Variants in GLS observed in about 807,000 individuals in gnomAD.
The protein encoded by GLS is glutaminase.
A neutral mutation model predicts 86.7 loss-of-function variants in GLS; 36 were observed. That is an observed-to-expected ratio of 0.42 (90% CI 0.32 to 0.55). The LOEUF is 0.55. Among genes scored for constraint, GLS ranks in the 20% least tolerant of loss-of-function variants. The pLI, the probability that GLS is intolerant of heterozygous loss-of-function variation, is 0.17. For missense variants in GLS, 528 were observed against 833.4 expected (o/e 0.63, Z 4.51); for synonymous variants, 317 against 305.9 (o/e 1.04, Z -0.38).
intron 14 of GLS, chr2:190,933,166 A>G: frequency 2.4e-6 from 2 of 843,612 alleles, no homozygotes; most frequent in Non-Finnish European, 2.9e-6. Context: ...AGATAATCCC[A>G]TTTTACAATA....
chr2:190,908,677 G>A (rs1045198065), intron 6 of GLS, among the ~76,000 whole-genome samples: 2 of 152,202 alleles, frequency 1.3e-5, no homozygotes, highest in African/African-American at 2.4e-5. Flanking sequence ...AAAATTTCAC[G>A]GTCATAGGTC....
intron 12 of GLS, 191 bp downstream of exon 12, chr2:190,927,673 G>A: frequency 2.1e-6 from 1 of 480,320 alleles, no homozygotes; most frequent in Non-Finnish European, 3.7e-6. Flanking sequence ...TTAAGAACTT[G>A]GAAGTTTGAT....
At chr2:190,936,509 C>T (rs1690275860) in intron 14 of GLS, among the ~76,000 whole-genome samples, 1 of 150,876 alleles carries the variant, frequency 6.6e-6, no homozygotes, top group South Asian at 2.1e-4. Flanking sequence ...CAAAAGAACC[C>T]CTAAAATTTT....
At chr2:190,916,606 A>G (rs2124884234) in intron 7 of GLS, among the ~76,000 whole-genome samples, 1 of 152,364 alleles carries the variant, frequency 6.6e-6, no homozygotes, top group African/African-American at 2.4e-5. Context: ...GTTAAATGCC[A>G]TTTCCAGGGT....
At position 190,935,435 on chromosome 2, in the gene GLS, T is replaced by G. The variant is rs570461690; in HGVS notation, c.1650+3798T>G. The G allele has an allele frequency of 6.6e-6, 1 of 152,128 alleles. No individual in the cohort carries two copies. Among genetic ancestry groups the G allele is most frequent in the South Asian group, 2.1e-4 (1 of 4,836 alleles). The allele number at this position is 152,128 out of a possible 1,614,324, so 9.4% of individuals were successfully genotyped here. A position where few individuals can be genotyped will look rare whatever the true frequency, so the allele number is the denominator to read the frequency against. Reference sequence around the variant, plus strand: ...AAGTGTTTGCTATTCTGAAGCTGCCTCAAAGTAAACTAGAAATATTCAAAA... The same window carrying G: ...AAGTGTTTGCTATTCTGAAGCTGCCGCAAAGTAAACTAGAAATATTCAAAA... On this transcript the variant is annotated intron_variant, in intron 14 of 17. Transcript: ENST00000320717. This position sits in a 1 kb window ranked among gnomAD's most constrained non-coding sequence, Gnocchi z 4.2.
intron 14 of GLS, among the ~76,000 whole-genome samples, chr2:190,941,210 GAATA>G (rs1690418325): frequency 6.6e-6 from 1 of 152,124 alleles, no homozygotes. Flanking sequence ...TACAGGTACT[GAATA>G]AATACTGAAA....
rs1394740393 is a variant in GLS, at chr2:190,935,911, C to T, written c.1650+4274C>T. Among the ~76,000 whole-genome samples the T allele has an allele frequency of 2.0e-5, 3 of 151,006 alleles. No homozygotes were observed. Among genetic ancestry groups the T allele is most frequent in the Non-Finnish European group, 4.5e-5 (3 of 67,194 alleles). On this transcript the variant is annotated intron_variant, in intron 14 of 17. Transcript: ENST00000320717. The surrounding 1 kb of genome is among the most constrained non-coding windows in gnomAD (Gnocchi z 4.2). ...ATTATAGTACAAATTATAGAGGCTCCATGTATTGTAGGTCAAATATAGTAC... is the reference window on the plus strand; with the variant it reads ...ATTATAGTACAAATTATAGAGGCTCTATGTATTGTAGGTCAAATATAGTAC...
chr2:190,881,200 G>A lies in GLS; in HGVS notation c.116G>A (p.Arg39Gln), dbSNP rs758228650. The A allele has an allele frequency of 1.2e-5, 15 of 1,282,870 alleles. 1 individual carries two copies. The highest frequency in any genetic ancestry group is 1.5e-5 in the Non-Finnish European group (15 of 1,018,918). The allele number at this position is 1,282,870 out of a possible 1,614,324, so 79.5% of individuals were successfully genotyped here. A position where few individuals can be genotyped will look rare whatever the true frequency, so the allele number is the denominator to read the frequency against. The part of the protein sequence containing the change: ...QPLVTLCRRP[R>Q]GGGRPAAGPA... Reference sequence around the variant, plus strand: ...TTGGTCACCCTGTGCCGGCGTCCCCGAGGCGGGGGACGGCCGGCCGCGGGC... The same window carrying A: ...TTGGTCACCCTGTGCCGGCGTCCCCAAGGCGGGGGACGGCCGGCCGCGGGC... The change falls in exon 1 of 18, where the codon CGA becomes CAA. Residue 39 changes from arginine (R) to glutamine (Q), a missense_variant. By Grantham distance (43) the Arg-to-Gln change is conservative. Transcript: ENST00000320717.
chr2:190,948,914 A>G (rs950180036), intron 14 of GLS, among the ~76,000 whole-genome samples: 7 of 152,158 alleles, frequency 4.6e-5, no homozygotes, highest in African/African-American at 1.7e-4. Flanking sequence ...GAGGTATCTA[A>G]TTGACTCTGT....
Position 190,881,131 on chromosome 2 carries a change from G to T in GLS, c.47G>T (p.Arg16Leu). 1.3e-6 allele frequency: 2 copies of T among 1,558,476 alleles called. No homozygotes were observed. The highest frequency in any genetic ancestry group is 1.2e-5 in the South Asian group (1 of 86,084). Residue 16 changes from arginine to leucine, a missense_variant, in exon 1 of 18, where the codon CGG becomes CTG. By Grantham distance (102) the Arg-to-Leu change is moderately radical. Transcript: ENST00000320717. ...GGGATGCTGCGGGACCTGCTCCTGC[G>T]GTCGCCCGCCGGCGTGAGCGCGACT... ...GSGMLRDLLL[R>L]SPAGVSATLR...
chr2:190,884,734 C>T (rs1282171830), intron 1 of GLS, among the ~76,000 whole-genome samples: 1 of 152,058 alleles, frequency 6.6e-6, no homozygotes, highest in Non-Finnish European at 1.5e-5. Flanking sequence ...GGAAAAATAC[C>T]AGCATATGTA....
intron 1 of GLS, among the ~76,000 whole-genome samples, chr2:190,891,253 T>C (rs897080426): frequency 6.6e-6 from 1 of 152,188 alleles, no homozygotes; most frequent in South Asian, 2.1e-4. Context: ...TTTAGTCATA[T>C]TTCTCCTAGA....
intron 12 of GLS, among the ~76,000 whole-genome samples, chr2:190,929,721 C>T (rs1049369236): frequency 1.3e-5 from 2 of 152,186 alleles, no homozygotes; most frequent in African/African-American, 2.4e-5. Flanking sequence ...CTGCCCACCT[C>T]GGCCTCCCAG....
chr2:190,954,817 A>G lies in GLS; in HGVS notation c.1852A>G (p.Arg618Gly). 1 of 1,603,014 alleles carries G rather than the reference A, an allele frequency of 6.2e-7. No individual in the cohort carries two copies. Among genetic ancestry groups the G allele is most frequent in the Non-Finnish European group, 8.5e-7 (1 of 1,171,960 alleles). The change falls in exon 17 of 18, where the codon AGG becomes GGG. Residue 618 changes from arginine to glycine, a missense_variant and splice_region_variant. Physicochemically the swap from Arg to Gly is moderately radical, Grantham distance 125. Coordinates refer to ENST00000320717, the MANE Select transcript of GLS (RefSeq NM_014905.5). This position sits in a 1 kb window ranked among gnomAD's most constrained non-coding sequence, Gnocchi z 4.0. The part of the protein sequence containing the change: ...ACKVNPFPKD[R>G]WNNTPMDEAL... ...CAAAGTAAACCCTTTCCCCAAGGAC[A>G]GGTGAGCACTTATGTTACCTTCTAA...
chr2:190,942,255 A>G (rs1431343864), intron 14 of GLS, among the ~76,000 whole-genome samples: 2 of 150,020 alleles, frequency 1.3e-5, no homozygotes, highest in Non-Finnish European at 1.5e-5. Flanking sequence ...AATTTTTTGT[A>G]TTTTTTAGTA....
chr2:190,902,806 T>A (rs1473713198), intron 5 of GLS, among the ~76,000 whole-genome samples: 1 of 152,178 alleles, frequency 6.6e-6, no homozygotes, highest in Non-Finnish European at 1.5e-5. Flanking sequence ...TTTCACTCAT[T>A]TTTAAAGACT....
chr2:190,881,300 G>A lies in GLS; in HGVS notation c.216G>A (p.Leu72=). ...GWPAEPLARG[L]SSSPSEILQE... ...CGGCGGAGCCCCTCGCGCGGGGCCTGTCCAGCTCTCCTTCGGAGATCTTGC... is the reference window on the plus strand; with the variant it reads ...CGGCGGAGCCCCTCGCGCGGGGCCTATCCAGCTCTCCTTCGGAGATCTTGC... Residue 72 remains leucine, a synonymous_variant, in exon 1 of 18, where the codon CTG becomes CTA. Coordinates refer to ENST00000320717, the MANE Select transcript of GLS (RefSeq NM_014905.5). 1.3e-6 allele frequency: 2 copies of A among 1,488,492 alleles called. No homozygotes were observed. Among genetic ancestry groups the A allele is most frequent in the Non-Finnish European group, 1.8e-6 (2 of 1,119,502 alleles). 92.2% of individuals were successfully genotyped at this position (1,488,492 alleles called of 1,614,324 possible).
At position 190,895,152 on chromosome 2, in the gene GLS, TA is replaced by T; in HGVS notation, c.391del (p.Ile131Ter). ...TTTTGTGTTCTTTCTACCTCTTTAG[TA>T]AAATAAAACAGGGTCTGTTACCTAG... ...GKELVASGEN[K>X]IKQGLLPSLE... On this transcript the variant is annotated frameshift_variant and splice_region_variant, in exon 2 of 18. Coordinates refer to ENST00000320717, the MANE Select transcript of GLS (RefSeq NM_014905.5). LOFTEE classifies it high-confidence loss of function. This position sits in a 1 kb window ranked among gnomAD's most constrained non-coding sequence, Gnocchi z 4.2. The T allele has an allele frequency of 7.2e-7, 1 of 1,391,398 alleles. No homozygotes were observed. Among genetic ancestry groups the T allele is most frequent in the Non-Finnish European group, 1.0e-6 (1 of 987,940 alleles). 86.2% of individuals were successfully genotyped at this position (1,391,398 alleles called of 1,614,324 possible).
At chr2:190,923,208 T>G (rs2124899531) in intron 9 of GLS, among the ~76,000 whole-genome samples, 1 of 152,314 alleles carries the variant, frequency 6.6e-6, no homozygotes, top group East Asian at 1.9e-4. Context: ...TCTGATTAGG[T>G]AACTTCTTTG....
Sources: gnomAD v4.1 joint callset for allele counts (sites outside exome capture counted in the v4.1 genomes callset) on GRCh38, gnomAD v4.1.1 for gene constraint, Gnocchi (gnomAD v3.1) non-coding constraint, MANE v1.5 for transcripts, NCBI Gene and HGNC (gene_info 2026-07-23, HGNC 2026-07-21) for gene names.